PAPLN: variants seen among roughly 807,000 people sequenced by gnomAD.
PAPLN encodes the protein papilin, proteoglycan like sulfated glycoprotein.
In PAPLN, 146 loss-of-function variants were observed where a neutral mutation model predicts 159.0. That is an observed-to-expected ratio of 0.92 (90% CI 0.80 to 1.05). The LOEUF (loss-of-function observed/expected upper bound fraction) is 1.05. PAPLN is among the 50% of genes least tolerant of loss of function. PAPLN has a pLI of 0.00. For missense variants in PAPLN, 1,720 were observed against 1,743.9 expected (o/e 0.99, Z 0.24); for synonymous variants, 734 against 702.9 (o/e 1.04, Z -0.70).
At chr14:73,237,679 G>A (rs1281526418) in intron 1 of PAPLN, 87 bp downstream of exon 1, 1 of 152,276 alleles carries the variant, frequency 6.6e-6, no homozygotes, top group Non-Finnish European at 1.5e-5. Context: ...TTGCTCGCCT[G>A]GCTCACGGCG....
Position 73,268,543 on chromosome 14 carries a change from CCT to C in PAPLN, c.3501-8_3501-7del, listed in dbSNP as rs746353014. On this transcript the variant is annotated splice_polypyrimidine_tract_variant and intron_variant, in intron 25 of 26. Transcript: ENST00000644200. ...AGGCCCTTGATGGCTCTCCCAGTGT[CCT>C]CTCTCCTCCAGGAACGGGCTACCTG... 85 of 1,606,572 alleles carry C rather than the reference CCT, an allele frequency of 5.3e-5. No individual in the cohort carries two copies. Among genetic ancestry groups the C allele is most frequent in the Non-Finnish European group, 7.1e-5 (83 of 1,176,146 alleles).
intron 14 of PAPLN, among the ~76,000 whole-genome samples, chr14:73,258,414 G>GT (rs945770869): frequency 6.6e-6 from 1 of 151,968 alleles, no homozygotes; most frequent in African/African-American, 2.4e-5. Flanking sequence ...AGTATGTTCT[G>GT]TTTTTTGTTT....
At chr14:73,248,795 C>G (rs1041134474) in intron 5 of PAPLN, among the ~76,000 whole-genome samples, 2 of 151,812 alleles carry the variant, frequency 1.3e-5, no homozygotes, top group Admixed American at 1.3e-4. Flanking sequence ...GCACTCCAGC[C>G]CGGACGACAG....
At chr14:73,239,504 T>C in intron 1 of PAPLN, 1 of 486,122 alleles carries the variant, frequency 2.1e-6, no homozygotes, top group Admixed American at 4.1e-5. Flanking sequence ...GCTCTCTCTT[T>C]TTTTCCCCTC....
intron 1 of PAPLN, among the ~76,000 whole-genome samples, chr14:73,239,282 G>A (rs1883284895): frequency 6.6e-6 from 1 of 152,210 alleles, no homozygotes; most frequent in Non-Finnish European, 1.5e-5. Flanking sequence ...GAGAAATGCT[G>A]GCTTGGGTTT....
chr14:73,268,847 G>A (rs1414272730), intron 26 of PAPLN, 124 bp downstream of exon 26: 5 of 1,236,972 alleles, frequency 4.0e-6, no homozygotes, highest in Admixed American at 3.1e-5. Context: ...CCAGTTGCTG[G>A]TAGTGTGACT....
chr14:73,265,286 C>CA lies in PAPLN; in HGVS notation c.3126-83dup. 6.5e-7 allele frequency: 1 copy of CA among 1,536,396 alleles called. No homozygotes were observed. Among genetic ancestry groups the CA allele is most frequent in the East Asian group, 2.3e-5 (1 of 43,810 alleles). ...ATCTGGCTGGAGAGGGAGAAGGGGC[C>CA]ACCAGGCTTGTGCAGAGGTGCCCAT... On this transcript the variant is annotated intron_variant, in intron 22 of 26. Transcript: ENST00000644200. This position sits in a 1 kb window ranked among gnomAD's most constrained non-coding sequence, Gnocchi z 4.1.
In PAPLN at chr14:73,254,951, G is replaced by A. The variant is rs771915687; in HGVS notation, c.1560G>A (p.Gly520=). 2 of 1,613,692 alleles carry A rather than the reference G, an allele frequency of 1.2e-6. No homozygotes were observed. The highest frequency in any genetic ancestry group is 2.2e-5 in the South Asian group (2 of 91,084). The change falls in exon 14 of 27, where the codon GGG becomes GGA. Residue 520 remains glycine (G), a synonymous_variant. Transcript: ENST00000644200. ...CCATTGGGCCGCCCAGCCACTGCGGGAGCCTGCAGCACTCCAAGCCTGTGG... is the reference window on the plus strand; with the variant it reads ...CCATTGGGCCGCCCAGCCACTGCGGAAGCCTGCAGCACTCCAAGCCTGTGG... The part of the protein sequence containing the change: ...ICAIGPPSHC[G]SLQHSKPVDV...
rs139334708 is a variant in PAPLN, at chr14:73,250,072, C to T, written c.423C>T (p.Cys141=). ...AGGCTGTGGTTGATGGGACGCCCTGCGAGCCTGGCAAGAGGGATGTCTGTG... is the reference window on the plus strand; with the variant it reads ...AGGCTGTGGTTGATGGGACGCCCTGTGAGCCTGGCAAGAGGGATGTCTGTG... The part of the protein sequence containing the change: ...HREAVVDGTP[C]EPGKRDVCVD... Residue 141 remains cysteine (C), a synonymous_variant, in exon 6 of 27, where the codon TGC becomes TGT. Transcript: ENST00000644200. 7 of 1,612,258 alleles carry T rather than the reference C, an allele frequency of 4.3e-6. No homozygotes were observed. Among genetic ancestry groups the T allele is most frequent in the Middle Eastern group, 1.6e-4 (1 of 6,072 alleles).
intron 7 of PAPLN, 54 bp from the exon 8 acceptor site, chr14:73,251,432 G>A (rs943587562): frequency 4.6e-6 from 7 of 1,538,382 alleles, no homozygotes; most frequent in South Asian, 1.1e-5. Flanking sequence ...CTGTTTGAGT[G>A]GTGCCGGGAG....
At chr14:73,264,514 G>T in intron 21 of PAPLN, 74 bp from the exon 22 acceptor site, 3 of 1,540,152 alleles carry the variant, frequency 1.9e-6, no homozygotes, top group Non-Finnish European at 2.6e-6. Context: ...GTCCCTGCTG[G>T]TCTCATGGCC....
Position 73,265,357 on chromosome 14 carries a change from G to A in PAPLN, c.3126-13G>A. On this transcript the variant is annotated splice_polypyrimidine_tract_variant and intron_variant, in intron 22 of 26. Coordinates refer to ENST00000644200, the MANE Select transcript of PAPLN (RefSeq NM_001365906.3). This position sits in a 1 kb window ranked among gnomAD's most constrained non-coding sequence, Gnocchi z 4.1. ...GCAAGGGCCCCTCATGCTGTGGGCT[G>A]CTTGTTTGGCAGGCTGCGTTTGGAC... 6.2e-7 allele frequency: 1 copy of A among 1,606,710 alleles called. No individual in the cohort carries two copies. Among genetic ancestry groups the A allele is most frequent in the Non-Finnish European group, 8.5e-7 (1 of 1,179,380 alleles).
chr14:73,244,263 C>T (rs978046218), intron 2 of PAPLN: 17 of 175,246 alleles, frequency 9.7e-5, no homozygotes, highest in African/African-American at 2.2e-4. Context: ...GATCCCCCCA[C>T]GTTGCTTCCC....
In PAPLN at chr14:73,271,521, A is replaced by T. The variant is rs185948582; in HGVS notation, c.3668-974A>T. On this transcript the variant is annotated intron_variant, in intron 26 of 26. Transcript: ENST00000644200. ...GAATGAAATTTTTTTTTTTTTTTTA[A>T]GACAGAATCTTGCTCTGTCACCCAG... is the stretch of plus-strand genomic sequence containing the variant. Among the ~76,000 whole-genome samples, 680 of 149,742 alleles carry T rather than the reference A, an allele frequency of 4.5e-3. 7 individuals carry two copies. Among genetic ancestry groups the T allele is most frequent in the African/African-American group, 0.016 (650 of 40,014 alleles).
intron 18 of PAPLN, 45 bp downstream of exon 18, chr14:73,261,339 C>A: frequency 1.3e-6 from 2 of 1,595,714 alleles, no homozygotes; most frequent in Non-Finnish European, 1.7e-6. Context: ...GTAGACTCTG[C>A]TCCCACCATG....
chr14:73,254,801 C>T, intron 13 of PAPLN, 76 bp from the exon 14 acceptor site: 1 of 1,594,084 alleles, frequency 6.3e-7, no homozygotes, highest in Non-Finnish European at 8.5e-7. Context: ...GGCACCTTCC[C>T]CTGCCTCTCT....
In PAPLN at chr14:73,261,245, C is replaced by T. The variant is rs370732373; in HGVS notation, c.2196C>T (p.Ala732=). ...SQFGCCYDNV[A]TAAGPLGEGC... is the part of the protein sequence containing the mutation. ...TTGGCTGTTGCTATGACAACGTGGC[C>T]ACTGCAGCCGGTCCTCTTGGGGAAG... is the stretch of plus-strand genomic sequence containing the variant. The change falls in exon 18 of 27, where the codon GCC becomes GCT. Residue 732 remains alanine (A), a synonymous_variant. Transcript: ENST00000644200. 6.2e-6 allele frequency: 10 copies of T among 1,613,746 alleles called. No homozygotes were observed. In the African/African-American group the frequency reaches 6.7e-5, roughly 11 times the overall value.
chr14:73,241,477 C>T (rs1883529958), intron 2 of PAPLN, among the ~76,000 whole-genome samples: 1 of 152,234 alleles, frequency 6.6e-6, no homozygotes, highest in African/African-American at 2.4e-5. Context: ...CAGAGGTTGT[C>T]ATGCAGATGA....
chr14:73,246,596 C>T (rs949781718), intron 5 of PAPLN, among the ~76,000 whole-genome samples: 5 of 149,056 alleles, frequency 3.4e-5, no homozygotes. Context: ...GCTCTTTTTT[C>T]TCTCTTCCTT....
Sources: allele counts gnomAD v4.1 joint callset (sites outside exome capture counted in the v4.1 genomes callset), GRCh38; gene constraint gnomAD v4.1.1; non-coding constraint Gnocchi (gnomAD v3.1); transcripts MANE v1.5; gene names NCBI Gene and HGNC (gene_info 2026-07-23, HGNC 2026-07-21).